The following RCC1L variants were observed in gnomAD, a reference collection of about 807,000 sequenced individuals.
The protein encoded by RCC1L is RCC1 like.
Under a neutral mutation model 58.6 loss-of-function variants are expected in RCC1L, and 46 were observed. That is an observed-to-expected ratio of 0.79 (90% confidence interval 0.62 to 1.00). RCC1L has a LOEUF of 1.00. Among genes scored for constraint, RCC1L ranks in the 50% least tolerant of loss-of-function variants. The pLI is 0.00. For missense variants in RCC1L, 636 were observed against 623.6 expected (o/e 1.02, Z -0.21); for synonymous variants, 281 against 262.9 (o/e 1.07, Z -0.67).
At chr7:75,048,830 G>A (rs1805825105) in intron 10 of RCC1L, among the ~76,000 whole-genome samples, 1 of 152,254 alleles carries the variant, frequency 6.6e-6, no homozygotes, top group African/African-American at 2.4e-5. Flanking sequence ...GCTCGCCCAG[G>A]GAGGTGGGTG....
chr7:75,053,679 G>A lies in RCC1L; in HGVS notation c.1232-883C>T, dbSNP rs1326172063. 5.3e-5 allele frequency among the ~76,000 whole-genome samples: 8 copies of A among 152,322 alleles called. No homozygotes were observed. In the South Asian group the frequency reaches 1.7e-3, roughly 32 times the overall value. ...ATGGCCTCTCCTAGCCCGGCCTTCA[G>A]GTGGGACTCTGTCTGCACCAGCTGG... is the stretch of plus-strand genomic sequence containing the variant. On this transcript the variant is annotated intron_variant, in intron 9 of 10. Coordinates refer to ENST00000610322, the MANE Select transcript of RCC1L (RefSeq NM_030798.5).
At chr7:75,068,287 T>G (rs1806579049) in intron 2 of RCC1L, among the ~76,000 whole-genome samples, 1 of 134,546 alleles carries the variant, frequency 7.4e-6, no homozygotes, top group African/African-American at 2.9e-5. Context: ...GCCATTGCAC[T>G]CCAGCCTGGG....
chr7:75,068,284 C>A (rs1319063389), intron 2 of RCC1L, among the ~76,000 whole-genome samples: 2 of 145,112 alleles, frequency 1.4e-5, no homozygotes, highest in African/African-American at 5.1e-5. Flanking sequence ...CACGCCATTG[C>A]ACTCCAGCCT....
chr7:75,055,029 TG>T (rs1309008942), intron 9 of RCC1L, among the ~76,000 whole-genome samples: 1 of 152,156 alleles, frequency 6.6e-6, no homozygotes, highest in Non-Finnish European at 1.5e-5. Context: ...GGTGAGCATC[TG>T]GGACAGGCCC....
rs920415766 is a variant in RCC1L, at chr7:75,063,641, G to A, written c.651-298C>T. On this transcript the variant is annotated intron_variant, in intron 4 of 10. Transcript: ENST00000610322. The stretch of plus-strand genomic sequence containing the variant: ...AACACTAAAATGAAAAGAACTCACC[G>A]GGCGCGGTGGGTCACGCCTGTAATT... Among the ~76,000 whole-genome samples, 440 of 152,240 alleles carry A rather than the reference G, an allele frequency of 2.9e-3. 1 individual carries two copies. Among genetic ancestry groups the A allele is most frequent in the African/African-American group, 9.4e-3 (392 of 41,538 alleles).
downstream of RCC1L, among the ~76,000 whole-genome samples, chr7:75,041,370 G>A (rs1291007628): frequency 6.6e-6 from 1 of 152,058 alleles, no homozygotes; most frequent in African/African-American, 2.4e-5. Flanking sequence ...GCTTCACGGT[G>A]CGGGGATTTT....
intron 2 of RCC1L, among the ~76,000 whole-genome samples, 195 bp from the exon 3 acceptor site, chr7:75,066,987 A>G (rs1554445252): frequency 6.6e-6 from 1 of 152,182 alleles, no homozygotes; most frequent in Non-Finnish European, 1.5e-5. Context: ...CTATTACATA[A>G]TGCGGGTTCC....
chr7:75,047,476 T>C (rs1805760740), intron 10 of RCC1L, among the ~76,000 whole-genome samples: 1 of 152,106 alleles, frequency 6.6e-6, no homozygotes, highest in Non-Finnish European at 1.5e-5. Context: ...TTGCCCAGGC[T>C]GGTCTTGAAC....
In RCC1L at chr7:75,063,338, CT is replaced by C. The variant is rs781878778; in HGVS notation, c.655del (p.Ser219ValfsTer27). On this transcript the variant is annotated frameshift_variant, in exon 5 of 11. Transcript: ENST00000610322. LOFTEE classifies it high-confidence loss of function. ...KVVENEIYSESHRVHRMQDFD... is the reference protein window; with the variant it reads ...KVVENEIYSEXHRVHRMQDFD... The stretch of plus-strand genomic sequence containing the variant: ...GTCCTGCATCCTGTGGACTCTGTGA[CT>C]TTCACTACAGCCAGGAACAAATTGG... 1 of 1,613,696 alleles carries C rather than the reference CT, an allele frequency of 6.2e-7. No individual in the cohort carries two copies. The highest frequency in any genetic ancestry group is 1.3e-5 in the African/African-American group (1 of 74,884).
rs1268406523 is a variant in RCC1L, at chr7:75,029,586, C to T, written c.1318-1507G>A. Among the ~76,000 whole-genome samples, 10 of 152,134 alleles carry T rather than the reference C, an allele frequency of 6.6e-5. No homozygotes were observed. In the South Asian group the frequency reaches 1.0e-3, roughly 16 times the overall value. ...CTTGAACTCCTGACCTCAGGTGATC[C>T]GCCCACCTTGGCCTCCCAAAGTGCT... On this transcript the variant is annotated intron_variant, in intron 10 of 10. Transcript: ENST00000614461.
chr7:75,066,635 T>TGAAA lies in RCC1L; in HGVS notation c.583+28_583+29insTTTC, dbSNP rs1554445164. The TGAAA allele has an allele frequency of 5.6e-6, 9 of 1,607,774 alleles. No individual in the cohort carries two copies. In the South Asian group the frequency reaches 9.9e-5, roughly 18 times the overall value. ...TCACAGTGAAATGGTCCCTGCACTC[T>TGAAA]TCCATCACCCTTCAATAGGTCAACT... On this transcript the variant is annotated intron_variant, in intron 3 of 10. Coordinates refer to ENST00000610322, the MANE Select transcript of RCC1L (RefSeq NM_030798.5).
At chr7:75,044,924 A>G (rs1218342530) in intron 10 of RCC1L, among the ~76,000 whole-genome samples, 1 of 152,066 alleles carries the variant, frequency 6.6e-6, no homozygotes, top group Non-Finnish European at 1.5e-5. Flanking sequence ...CAGGAGGCTA[A>G]AGTAGGAGAA....
intron 3 of RCC1L, among the ~76,000 whole-genome samples, chr7:75,065,479 C>G (rs1335927855): frequency 2.0e-5 from 3 of 151,844 alleles, no homozygotes; most frequent in Non-Finnish European, 4.4e-5. Context: ...CACCTGAACC[C>G]AGGAGGTAGA....
At chr7:75,027,836 C>T (rs1223714587) in exon 11 of RCC1L, 12 of 660,082 alleles carry the variant, frequency 1.8e-5, no homozygotes, top group East Asian at 5.5e-5. Flanking sequence ...CACAGCTCTT[C>T]GGGGTGGGGT....
rs202155222 is a variant in RCC1L, at chr7:75,069,560, CTGTT to C, written c.454+1076_454+1079del. 5.6e-4 allele frequency among the ~76,000 whole-genome samples: 84 copies of C among 151,304 alleles called. 1 individual carries two copies. Among genetic ancestry groups the C allele is most frequent in the South Asian group, 2.1e-4 (1 of 4,782 alleles). On this transcript the variant is annotated intron_variant, in intron 2 of 10. Transcript: ENST00000610322. ...TAATTTTTAGCTAATGTCTACTTTTCTGTTTGTTTGTTTGTTTGTTTAGGACAGT... is the reference window on the plus strand; with the variant it reads ...TAATTTTTAGCTAATGTCTACTTTTCTGTTTGTTTGTTTGTTTAGGACAGT...
At chr7:75,041,149 G>C (rs1805551046), downstream of RCC1L, among the ~76,000 whole-genome samples, 1 of 152,072 alleles carries the variant, frequency 6.6e-6, no homozygotes, top group Admixed American at 6.6e-5. Flanking sequence ...GGGAGGCGGA[G>C]GTTGCAGTGA....
chr7:75,036,801 G>A lies in RCC1L; in HGVS notation c.1318-8722C>T, dbSNP rs1404128916. ...TGTAGTCCCAGCTATTCGGGAGGCT[G>A]AGGCAGGAGAATCACTTGAACCACC... On this transcript the variant is annotated intron_variant, in intron 10 of 10. Coordinates refer to the RCC1L transcript ENST00000614461. 2.6e-5 allele frequency among the ~76,000 whole-genome samples: 4 copies of A among 152,256 alleles called. No individual in the cohort carries two copies. The East Asian group carries it at 5.8e-4, about 22-fold the overall frequency.
intron 10 of RCC1L, among the ~76,000 whole-genome samples, chr7:75,044,665 AT>A (rs1805667723): frequency 6.8e-6 from 1 of 146,754 alleles, no homozygotes; most frequent in African/African-American, 2.5e-5. Context: ...CCCAGTCCCC[AT>A]CTGCCTCTGA....
At position 75,066,827 on chromosome 7, in the gene RCC1L, A is replaced by G; in HGVS notation, c.455-35T>C. On this transcript the variant is annotated intron_variant, in intron 2 of 10. Transcript: ENST00000610322. ...ACACAGGACACTGATTGAGGCATGC[A>G]TTTCTACCACTGGAAATCATACTGT... 1.3e-6 allele frequency: 2 copies of G among 1,580,532 alleles called. 1 individual carries two copies. Among genetic ancestry groups the G allele is most frequent in the South Asian group, 2.3e-5 (2 of 87,290 alleles).
Sources: gnomAD v4.1 joint callset for allele counts (sites outside exome capture counted in the v4.1 genomes callset) on GRCh38, gnomAD v4.1.1 for gene constraint, MANE v1.5 for transcripts, NCBI Gene and HGNC (gene_info 2026-07-23, HGNC 2026-07-21) for gene names.